TEAD4: variants seen among roughly 807,000 people sequenced by gnomAD.
The protein encoded by TEAD4 is TEA domain transcription factor 4.
Under a neutral mutation model 52.4 loss-of-function variants are expected in TEAD4, and 36 were observed. That is an observed-to-expected ratio of 0.69 (90% CI 0.53 to 0.91). The LOEUF is 0.91. Ranked by LOEUF, TEAD4 falls within the 40% of genes least tolerant of loss-of-function variation. The pLI is 0.00. For synonymous variants in TEAD4, 220 were observed against 231.0 expected (o/e 0.95, Z 0.43); for missense variants, 508 against 583.9 (o/e 0.87, Z 1.34).
intron 11 of TEAD4, among the ~76,000 whole-genome samples, chr12:3,039,835 G>A (rs3782833): frequency 2.6e-5 from 4 of 151,946 alleles, no homozygotes; most frequent in African/African-American, 9.7e-5. Context: ...TTACAGGCAC[G>A]CGCCACCGTG....
chr12:3,033,717 G>T (rs531181955), intron 10 of TEAD4, among the ~76,000 whole-genome samples: 197 of 152,310 alleles, frequency 1.3e-3, no homozygotes, highest in African/African-American at 4.5e-3. Flanking sequence ...CTGCCCACCC[G>T]CACGCACAGC....
intron 3 of TEAD4, among the ~76,000 whole-genome samples, chr12:2,997,805 CGG>C (rs61027088): frequency 0.034 from 4,085 of 121,302 alleles, 220 homozygotes; most frequent in African/African-American, 0.12. Context: ...CTTGCTTTTT[CGG>C]GGGGGGGGTG....
chr12:2,975,569 G>A (rs1665523602), intron 2 of TEAD4, among the ~76,000 whole-genome samples: 1 of 151,882 alleles, frequency 6.6e-6, no homozygotes. Flanking sequence ...TGTATTTTTA[G>A]TAGAGACAGG....
intron 10 of TEAD4, among the ~76,000 whole-genome samples, chr12:3,025,338 G>C (rs1166484617): frequency 6.6e-6 from 1 of 152,078 alleles, no homozygotes; most frequent in East Asian, 1.9e-4. Flanking sequence ...CTCTTTATTG[G>C]TATAACCCCT....
At chr12:2,974,044 G>C (rs1379322866) in intron 2 of TEAD4, among the ~76,000 whole-genome samples, 1 of 152,150 alleles carries the variant, frequency 6.6e-6, no homozygotes, top group East Asian at 1.9e-4. Context: ...GTCTCACTCT[G>C]TCGCCCAGAC....
intron 2 of TEAD4, among the ~76,000 whole-genome samples, chr12:2,969,169 C>T (rs771685127): frequency 3.9e-4 from 60 of 152,306 alleles, no homozygotes; most frequent in Non-Finnish European, 4.1e-4. Context: ...CACCCTGGAT[C>T]GACAGTGTTC....
chr12:3,021,850 A>C lies in TEAD4; in HGVS notation c.730A>C (p.Lys244Gln). The C allele has an allele frequency of 1.9e-6, 3 of 1,614,082 alleles. No homozygotes were observed. The highest frequency in any genetic ancestry group is 1.7e-6 in the Non-Finnish European group (2 of 1,179,972). ...AGACCCACTCTCTCCACAGTACAAC[A>C]AGCACCTGTTCGTGCACATTGGCCA... Residue 244 changes from lysine to glutamine, a missense_variant, in exon 10 of 13, where the codon AAG becomes CAG. Lys to Gln is a moderately conservative substitution (Grantham distance 53). Coordinates refer to ENST00000359864, the MANE Select transcript of TEAD4 (RefSeq NM_003213.4).
intron 10 of TEAD4, among the ~76,000 whole-genome samples, chr12:3,028,258 T>C (rs931187488): frequency 1.3e-5 from 2 of 152,232 alleles, no homozygotes; most frequent in African/African-American, 4.8e-5. Flanking sequence ...TTAGGAGTAG[T>C]GCTACTGTGA....
At chr12:3,003,189 C>G (rs1486379849) in intron 3 of TEAD4, among the ~76,000 whole-genome samples, 1 of 152,212 alleles carries the variant, frequency 6.6e-6, no homozygotes, top group South Asian at 2.1e-4. Context: ...AAGATGTCCA[C>G]GCACACTTCC....
At chr12:2,962,344 A>T (rs7980206) in intron 2 of TEAD4, among the ~76,000 whole-genome samples, 9,290 of 118,482 alleles carry the variant, frequency 0.078, 1,150 homozygotes, top group African/African-American at 0.28. Context: ...ATATATATAT[A>T]TATTTTTTGA....
At chr12:3,032,202 T>C (rs73248866) in intron 10 of TEAD4, among the ~76,000 whole-genome samples, 13,999 of 152,280 alleles carry the variant, frequency 0.092, 2,005 homozygotes, top group African/African-American at 0.31. Context: ...CCTCTCTTTC[T>C]TTCTGACTCT....
chr12:3,034,064 A>G lies in TEAD4; in HGVS notation c.898-3904A>G, dbSNP rs117636853. 4.0e-3 allele frequency among the ~76,000 whole-genome samples: 612 copies of G among 151,344 alleles called. 5 individuals are homozygous for G. The highest frequency in any genetic ancestry group is 5.6e-3 in the Non-Finnish European group (379 of 67,988). ...CTTTCTCCCCCTGACCCATTGCTCA[A>G]CCCTAGCACTTGCATTCTATTTGTT... On this transcript the variant is annotated intron_variant, in intron 10 of 12. Coordinates refer to ENST00000359864, the MANE Select transcript of TEAD4 (RefSeq NM_003213.4).
At chr12:3,007,133 C>T (rs894175639) in intron 3 of TEAD4, among the ~76,000 whole-genome samples, 2 of 152,230 alleles carry the variant, frequency 1.3e-5, no homozygotes, top group Non-Finnish European at 2.9e-5. Flanking sequence ...GCCTTTCTAG[C>T]AGCAGAGCCC....
chr12:3,011,086 G>T lies in TEAD4; in HGVS notation c.291+18G>T. On this transcript the variant is annotated intron_variant, in intron 4 of 12. Coordinates refer to ENST00000359864, the MANE Select transcript of TEAD4 (RefSeq NM_003213.4). ...GGAAGCAGGTGGGCCTCAAGAGACGGGTAGGGGTCCCGGGGGTGGTACCCC... is the reference window on the plus strand; with the variant it reads ...GGAAGCAGGTGGGCCTCAAGAGACGTGTAGGGGTCCCGGGGGTGGTACCCC... 6.2e-7 allele frequency: 1 copy of T among 1,613,976 alleles called. No homozygotes were observed. The highest frequency in any genetic ancestry group is 1.1e-5 in the South Asian group (1 of 91,078).
intron 8 of TEAD4, 127 bp downstream of exon 8, chr12:3,019,297 C>T: frequency 1.9e-6 from 2 of 1,054,874 alleles, no homozygotes; most frequent in South Asian, 2.7e-5. Context: ...ACACTGACCA[C>T]ACGTCCTAGT....
Position 2,962,500 on chromosome 12 carries a change from T to A in TEAD4, c.-30+2460T>A, listed in dbSNP as rs182082145. Among the ~76,000 whole-genome samples, 1,257 of 151,662 alleles carry A rather than the reference T, an allele frequency of 8.3e-3. 21 individuals carry two copies. The highest frequency in any genetic ancestry group is 0.028 in the African/African-American group (1,170 of 41,336). Reference sequence around the variant, plus strand: ...ATAGGCGTGCGCCACCGTGCCCCACTAATTTTGTATTTTTAGTGGAGACGG... The same window carrying A: ...ATAGGCGTGCGCCACCGTGCCCCACAAATTTTGTATTTTTAGTGGAGACGG... On this transcript the variant is annotated intron_variant, in intron 2 of 12. Transcript: ENST00000359864.
intron 10 of TEAD4, among the ~76,000 whole-genome samples, chr12:3,035,884 C>G (rs913799638): frequency 6.6e-6 from 1 of 151,904 alleles, no homozygotes; most frequent in Non-Finnish European, 1.5e-5. Context: ...GGTTCTGGTC[C>G]CATTCACCTT....
At chr12:3,033,013 A>G (rs2098276749) in intron 10 of TEAD4, among the ~76,000 whole-genome samples, 1 of 152,160 alleles carries the variant, frequency 6.6e-6, no homozygotes, top group African/African-American at 2.4e-5. Flanking sequence ...ACACACAGTT[A>G]GGAAGGAAAA....
chr12:3,021,672 T>C (rs1178333445), intron 9 of TEAD4, among the ~76,000 whole-genome samples, 172 bp from the exon 10 acceptor site: 1 of 152,230 alleles, frequency 6.6e-6, no homozygotes, highest in Admixed American at 6.5e-5. Flanking sequence ...AAGTCCAGGA[T>C]GTAAAACAAA....
Sources: gnomAD v4.1 joint callset for allele counts (sites outside exome capture counted in the v4.1 genomes callset) on GRCh38, gnomAD v4.1.1 for gene constraint, MANE v1.5 for transcripts, NCBI Gene and HGNC (gene_info 2026-07-23, HGNC 2026-07-21) for gene names.